The following PIEZO2 variants were observed in gnomAD, a reference collection of about 807,000 sequenced individuals.
PIEZO2 encodes the protein piezo type mechanosensitive ion channel component 2.
In PIEZO2, 172 loss-of-function variants were observed where a neutral mutation model predicts 337.3. That is an observed-to-expected ratio of 0.51 (90% CI 0.45 to 0.58). The LOEUF (loss-of-function observed/expected upper bound fraction) is 0.58, where lower values mean the gene tolerates loss of function less well. PIEZO2 is among the 20% of genes least tolerant of loss of function. The pLI, the probability that PIEZO2 is intolerant of heterozygous loss-of-function variation, is 0.00. For missense variants in PIEZO2, 3,028 were observed against 3,391.3 expected, an observed-to-expected ratio of 0.89 and a Z score of 2.66; for synonymous variants, 1,251 against 1,228.5, an observed-to-expected ratio of 1.02 and a Z score of -0.38.
intron 5 of PIEZO2, among the ~76,000 whole-genome samples, chr18:10,864,308 T>A (rs543965195): frequency 6.6e-6 from 1 of 152,162 alleles, no homozygotes; most frequent in East Asian, 1.9e-4. Context: ...CAGGGTGGGA[T>A]AACAAATGAA....
chr18:10,889,812 C>T (rs900622861), intron 4 of PIEZO2, among the ~76,000 whole-genome samples: 1 of 152,204 alleles, frequency 6.6e-6, no homozygotes, highest in African/African-American at 2.4e-5. Flanking sequence ...AGCCCCAGGT[C>T]CACTGCCAGA....
chr18:10,909,304 A>G (rs2030253454), intron 4 of PIEZO2, among the ~76,000 whole-genome samples: 2 of 152,198 alleles, frequency 1.3e-5, no homozygotes, highest in South Asian at 4.1e-4. Context: ...TTTCTTCAGA[A>G]GTCAATGATG....
chr18:10,999,203 C>A (rs1202422486), intron 2 of PIEZO2, among the ~76,000 whole-genome samples: 1 of 147,516 alleles, frequency 6.8e-6, no homozygotes, highest in East Asian at 2.0e-4. Context: ...AAAAAAAAAT[C>A]AGTTTATAGA....
At chr18:11,045,843 G>A (rs2037292568) in intron 2 of PIEZO2, among the ~76,000 whole-genome samples, 2 of 152,182 alleles carry the variant, frequency 1.3e-5, no homozygotes. Flanking sequence ...CAACTAGACA[G>A]TCCATTTCTG....
Position 11,032,226 on chromosome 18 carries a change from G to A in PIEZO2, c.160+33901C>T, listed in dbSNP as rs942105173. ...GCCTTATGTCTCAACATTGATTCTC[G>A]GGTCTCCAGTGTGGTCCACAGGACA... is the stretch of plus-strand genomic sequence containing the variant. On this transcript the variant is annotated intron_variant, in intron 2 of 55. Coordinates refer to ENST00000674853, the MANE Select transcript of PIEZO2 (RefSeq NM_001378183.1). This position sits in a 1 kb window ranked among gnomAD's most constrained non-coding sequence, Gnocchi z 4.9. 6.6e-6 allele frequency among the ~76,000 whole-genome samples: 1 copy of A among 152,130 alleles called. No homozygotes were observed. The highest frequency in any genetic ancestry group is 1.5e-5 in the Non-Finnish European group (1 of 68,022).
In PIEZO2 at chr18:10,763,030, A is replaced by C. The variant is rs370840935; in HGVS notation, c.3015T>G (p.Arg1005=). ...AGACTGTGCAGACACTTGAAGCCAG[A>C]CGGCGCAGCTTGGCGTACGGCAGAG... ...AFALPYAKLR[R]LASSVCTVWT... Residue 1005 remains arginine, a synonymous_variant, in exon 22 of 56, where the codon CGT becomes CGG. Coordinates refer to ENST00000674853, the MANE Select transcript of PIEZO2 (RefSeq NM_001378183.1). The C allele has an allele frequency of 1.4e-5, 21 of 1,537,250 alleles. No individual in the cohort carries two copies. The highest frequency in any genetic ancestry group is 1.8e-5 in the Non-Finnish European group (21 of 1,146,936).
chr18:10,890,035 C>A (rs1259573066), intron 4 of PIEZO2, among the ~76,000 whole-genome samples: 1 of 152,206 alleles, frequency 6.6e-6, no homozygotes, highest in Non-Finnish European at 1.5e-5. Context: ...AATTCTTTAT[C>A]CCATAACAGA....
chr18:11,107,005 G>A (rs574325462), intron 1 of PIEZO2, among the ~76,000 whole-genome samples: 1 of 152,276 alleles, frequency 6.6e-6, no homozygotes, highest in Non-Finnish European at 1.5e-5. Flanking sequence ...ACTAAGCAAA[G>A]CTTCAGTTTG....
chr18:10,818,643 G>A (rs978817069), intron 7 of PIEZO2, among the ~76,000 whole-genome samples: 3 of 152,170 alleles, frequency 2.0e-5, no homozygotes, highest in African/African-American at 4.8e-5. Context: ...TATCTCATCT[G>A]TACTTCTTAT....
At chr18:10,720,361 TTCTGTGTG>T (rs1409952695) in intron 36 of PIEZO2, among the ~76,000 whole-genome samples, 1 of 67,266 alleles carries the variant, frequency 1.5e-5, no homozygotes, top group Non-Finnish European at 2.9e-5. Flanking sequence ...CCTATATATA[TTCTGTGTG>T]TGTGTGTGTG....
At chr18:10,968,361 T>G (rs187396062) in intron 3 of PIEZO2, among the ~76,000 whole-genome samples, 2 of 152,240 alleles carry the variant, frequency 1.3e-5, no homozygotes, top group African/African-American at 4.8e-5. Flanking sequence ...GGTCTTATAG[T>G]ATAGTTTGAA....
At chr18:10,965,632 C>T (rs1481940085) in intron 3 of PIEZO2, among the ~76,000 whole-genome samples, 1 of 152,108 alleles carries the variant, frequency 6.6e-6, no homozygotes, top group African/African-American at 2.4e-5. Context: ...ATTCTTTGAC[C>T]TTATAAATCC....
chr18:10,671,558 A>G lies in PIEZO2; in HGVS notation c.8567T>C (p.Met2856Thr), dbSNP rs1247804009. The change falls in exon 56 of 56, where the codon ATG becomes ACG. Residue 2856 changes from methionine (M) to threonine (T), a missense_variant. Around this residue, in one of 5 missense-constraint regions of PIEZO2, gnomAD observed 332 missense variants for 363.8 expected, o/e 0.91. Coordinates refer to ENST00000674853, the MANE Select transcript of PIEZO2 (RefSeq NM_001378183.1). ...TGTTTTTTCTCTAGTCCATTTGATCATTGTCTCTGGTGAGCGATATAGGAA... is the reference window on the plus strand; with the variant it reads ...TGTTTTTTCTCTAGTCCATTTGATCGTTGTCTCTGGTGAGCGATATAGGAA... The part of the protein sequence containing the change: ...LIFLYRSPET[M>T]IKWTREKTN The G allele has an allele frequency of 6.2e-7, 1 of 1,613,070 alleles. No individual in the cohort carries two copies. The highest frequency in any genetic ancestry group is 8.5e-7 in the Non-Finnish European group (1 of 1,179,566).
chr18:10,707,781 G>A lies in PIEZO2; in HGVS notation c.5588+494C>T, dbSNP rs929581959. 2.0e-5 allele frequency among the ~76,000 whole-genome samples: 3 copies of A among 152,302 alleles called. No homozygotes were observed. The South Asian group carries it at 6.2e-4, about 32-fold the overall frequency. ...TGGTAAACTATATTCTGACTTTTAT[G>A]TCAATTAGGCAGATAACATGCAGAC... On this transcript the variant is annotated intron_variant, in intron 40 of 55. Transcript: ENST00000674853. The surrounding 1 kb of genome is among the most constrained non-coding windows in gnomAD (Gnocchi z 4.2).
At chr18:10,852,962 CAA>C (rs978611557) in intron 7 of PIEZO2, among the ~76,000 whole-genome samples, 1 of 151,892 alleles carries the variant, frequency 6.6e-6, no homozygotes, top group Non-Finnish European at 1.5e-5. Flanking sequence ...GGCAGTCTCC[CAA>C]TATACAGAAA....
intron 13 of PIEZO2, among the ~76,000 whole-genome samples, chr18:10,792,168 C>T (rs781366809): frequency 1.5e-4 from 23 of 152,302 alleles, no homozygotes; most frequent in Admixed American, 3.3e-4. Context: ...AGGCTGGTCT[C>T]GAACTCCTGA....
intron 1 of PIEZO2, among the ~76,000 whole-genome samples, chr18:11,087,453 A>G (rs959173086): frequency 4.6e-5 from 7 of 152,162 alleles, no homozygotes; most frequent in Non-Finnish European, 7.3e-5. Flanking sequence ...TTTTAATCTA[A>G]ATATATTTAT....
chr18:11,100,627 A>T (rs1408901328), intron 1 of PIEZO2, among the ~76,000 whole-genome samples: 1 of 151,360 alleles, frequency 6.6e-6, no homozygotes, highest in South Asian at 2.1e-4. Flanking sequence ...ACGGAGTCTC[A>T]CTCTGTCGCC....
At chr18:10,774,745 A>G (rs1179729713) in intron 18 of PIEZO2, among the ~76,000 whole-genome samples, 3 of 152,238 alleles carry the variant, frequency 2.0e-5, no homozygotes, top group Non-Finnish European at 2.9e-5. Context: ...TCTGGGCAAT[A>G]AAGTCTACAT....
Sources: gnomAD v4.1 joint callset for allele counts (sites outside exome capture counted in the v4.1 genomes callset) on GRCh38, gnomAD v4.1.1 for gene constraint, gnomAD v4.1.1 regional missense constraint, Gnocchi (gnomAD v3.1) non-coding constraint, MANE v1.5 for transcripts, NCBI Gene and HGNC (gene_info 2026-07-23, HGNC 2026-07-21) for gene names.